The following SLC2A4RG variants were observed in gnomAD, a reference collection of about 807,000 sequenced individuals.
SLC2A4RG encodes GLUT4 enhancer factor.
In SLC2A4RG, 23 loss-of-function variants were observed where a neutral mutation model predicts 35.5. The ratio of observed to expected loss-of-function variants is 0.65; its 90% CI spans 0.47 to 0.92. The LOEUF (loss-of-function observed/expected upper bound fraction) is 0.92, where lower values mean the gene tolerates loss of function less well. Among genes scored for constraint, SLC2A4RG ranks in the 40% least tolerant of loss-of-function variants. The pLI is 0.00. For synonymous variants in SLC2A4RG, 306 were observed against 243.7 expected, an observed-to-expected ratio of 1.26 and a Z score of -2.38; for missense variants, 539 against 525.0, an observed-to-expected ratio of 1.03 and a Z score of -0.26.
At position 63,742,863 on chromosome 20, in the gene SLC2A4RG, G is replaced by T; in HGVS notation, c.1053-16G>T. ...CTGGTCTCACAGCACCCCATGTCCT[G>T]TGACCCCCCGCACAGGAAGCCCCGC... On this transcript the variant is annotated splice_polypyrimidine_tract_variant and intron_variant, in intron 7 of 7. Transcript: ENST00000266077. The T allele has an allele frequency of 1.9e-6, 3 of 1,606,624 alleles. No homozygotes were observed. The Middle Eastern group carries it at 5.0e-4, about 266-fold the overall frequency.
In SLC2A4RG at chr20:63,741,195, G is replaced by T. The variant is rs1364115204; in HGVS notation, c.282-175G>T. ...CCCTGGCCCTGCTCCTGGCGGCTCCGGGTGGCTTTCAGCTCTCTCTGCAAC... is the reference window on the plus strand; with the variant it reads ...CCCTGGCCCTGCTCCTGGCGGCTCCTGGTGGCTTTCAGCTCTCTCTGCAAC... On this transcript the variant is annotated intron_variant, in intron 2 of 7. Coordinates refer to ENST00000266077, the MANE Select transcript of SLC2A4RG (RefSeq NM_020062.4). The T allele has an allele frequency of 4.8e-5, 29 of 610,328 alleles. 1 individual carries two copies. In the East Asian group the frequency reaches 8.3e-4, roughly 17 times the overall value. The allele number at this position is 610,328 out of a possible 1,614,324, so 37.8% of individuals were successfully genotyped here.
rs1309266941 is a variant in SLC2A4RG at position 63,743,074 on chromosome 20, C to G, written c.*84C>G. Reference sequence around the variant, plus strand: ...CGGGGCTGAAACAGCCCGAGGACAGCCCCAGGGGCTGGCTTTCACCAGCTG... The same window carrying G: ...CGGGGCTGAAACAGCCCGAGGACAGGCCCAGGGGCTGGCTTTCACCAGCTG... On this transcript the variant is annotated 3_prime_UTR_variant, in exon 8 of 8. Transcript: ENST00000266077. 20 of 933,196 alleles carry G rather than the reference C, an allele frequency of 2.1e-5. No individual in the cohort carries two copies. The highest frequency in any genetic ancestry group is 2.9e-5 in the Non-Finnish European group (20 of 685,576). 57.8% of individuals were successfully genotyped at this position (933,196 alleles called of 1,614,324 possible).
At position 63,743,986 on chromosome 20, in the gene SLC2A4RG, T is replaced by G. The variant is rs1459226323; in HGVS notation, c.*996T>G. The G allele has an allele frequency of 6.6e-6, 1 of 152,320 alleles. No homozygotes were observed. The highest frequency in any genetic ancestry group is 1.5e-5 in the Non-Finnish European group (1 of 68,044). 9.4% of individuals were successfully genotyped at this position (152,320 alleles called of 1,614,324 possible). A position where few individuals can be genotyped will look rare whatever the true frequency, so the allele number is the denominator to read the frequency against. On this transcript the variant is annotated 3_prime_UTR_variant, in exon 8 of 8. Coordinates refer to ENST00000266077, the MANE Select transcript of SLC2A4RG (RefSeq NM_020062.4). ...CAATCTTCAAACACTGCCCTTTTTTTGTGTGTTTTGTTTTTGTTGACAGGT... is the reference window on the plus strand; with the variant it reads ...CAATCTTCAAACACTGCCCTTTTTTGGTGTGTTTTGTTTTTGTTGACAGGT...
chr20:63,742,975 G>A lies in SLC2A4RG; in HGVS notation c.1149G>A (p.Gln383=). ...CCTGCCGCTGGAAGAAAGCCTGCCAGCGGTTCCTGGACTAAGTCCGGCTCG... is the reference window on the plus strand; with the variant it reads ...CCTGCCGCTGGAAGAAAGCCTGCCAACGGTTCCTGGACTAAGTCCGGCTCG... The part of the protein sequence containing the change: ...CTACRWKKAC[Q]RFLD Residue 383 remains glutamine (Q), a synonymous_variant, in exon 8 of 8, where the codon CAG becomes CAA. Transcript: ENST00000266077. 4 of 1,611,004 alleles carry A rather than the reference G, an allele frequency of 2.5e-6. No individual in the cohort carries two copies. Among genetic ancestry groups the A allele is most frequent in the Non-Finnish European group, 3.4e-6 (4 of 1,178,874 alleles).
chr20:63,740,609 G>A lies in SLC2A4RG; in HGVS notation c.281+78G>A. ...GGGGTGCGGAGACACCGGCCCCGAC[G>A]GAGGCCAGGTCAGGGCCCCAGGTTT... On this transcript the variant is annotated intron_variant, in intron 2 of 7. Coordinates refer to ENST00000266077, the MANE Select transcript of SLC2A4RG (RefSeq NM_020062.4). The A allele has an allele frequency of 3.3e-6, 4 of 1,204,818 alleles. 1 individual carries two copies. Among genetic ancestry groups the A allele is most frequent in the Non-Finnish European group, 4.1e-6 (4 of 965,650 alleles). The allele number at this position is 1,204,818 out of a possible 1,614,324, so 74.6% of individuals were successfully genotyped here.
chr20:63,742,393 G>A lies in SLC2A4RG; in HGVS notation c.738G>A (p.Leu246=), dbSNP rs1242422402. The change falls in exon 6 of 8, where the codon CTG becomes CTA. Residue 246 remains leucine (L), a synonymous_variant. Coordinates refer to ENST00000266077, the MANE Select transcript of SLC2A4RG (RefSeq NM_020062.4). The part of the protein sequence containing the change: ...DGEEDFYYTE[L]DVGVDTLTDG... ...AGGAGGACTTCTACTACACAGAGCT[G>A]GATGTTGGTGTGGACACGCTGACCG... 3 of 1,611,736 alleles carry A rather than the reference G, an allele frequency of 1.9e-6. No individual in the cohort carries two copies. The highest frequency in any genetic ancestry group is 1.7e-5 in the Admixed American group (1 of 59,890).
At chr20:63,740,596 C>A (rs1214129468) in intron 2 of SLC2A4RG, 65 bp downstream of exon 2, 5 of 1,219,730 alleles carry the variant, frequency 4.1e-6, no homozygotes, top group Admixed American at 8.5e-5. Context: ...GGTGCGGAGA[C>A]ACCGGCCCCG....
Position 63,742,914 on chromosome 20 carries a change from T to C in SLC2A4RG, c.1088T>C (p.Val363Ala). Residue 363 changes from valine (V) to alanine (A), a missense_variant, in exon 8 of 8, where the codon GTG becomes GCG. Transcript: ENST00000266077. ...PRGDAKKCRK[V>A]YGMERRDLWC... ...GGCGACGCGAAGAAGTGCCGGAAGGTGTATGGCATGGAGCGCCGGGACCTC... is the reference window on the plus strand; with the variant it reads ...GGCGACGCGAAGAAGTGCCGGAAGGCGTATGGCATGGAGCGCCGGGACCTC... 5.6e-6 allele frequency: 9 copies of C among 1,612,258 alleles called. No homozygotes were observed. The highest frequency in any genetic ancestry group is 2.2e-5 in the East Asian group (1 of 44,850).
intron 1 of SLC2A4RG, 157 bp from the exon 2 acceptor site, chr20:63,740,220 C>A: frequency 2.3e-6 from 1 of 435,986 alleles, no homozygotes; most frequent in Non-Finnish European, 3.2e-6. Context: ...CTTCCCGCCG[C>A]GCCGGGCTGG....
At position 63,742,173 on chromosome 20, in the gene SLC2A4RG, G is replaced by A. The variant is rs774603399; in HGVS notation, c.623G>A (p.Gly208Glu). Residue 208 changes from glycine (G) to glutamate (E), a missense_variant, in exon 5 of 8, where the codon GGG (glycine) becomes GAG (glutamate). Physicochemically the swap from Gly to Glu is moderately conservative, Grantham distance 98. Coordinates refer to ENST00000266077, the MANE Select transcript of SLC2A4RG (RefSeq NM_020062.4). Reference sequence around the variant, plus strand: ...TTCCAGTGTCTGTGGAAGAGCTGCGGGAAGGTGCTGAGCACGGCGTCGGCG... The same window carrying A: ...TTCCAGTGTCTGTGGAAGAGCTGCGAGAAGGTGCTGAGCACGGCGTCGGCG... ...VMFQCLWKSCGKVLSTASAMQ... is the reference protein window; with the variant it reads ...VMFQCLWKSCEKVLSTASAMQ... 6 of 1,604,966 alleles carry A rather than the reference G, an allele frequency of 3.7e-6. No individual in the cohort carries two copies. Among genetic ancestry groups the A allele is most frequent in the Non-Finnish European group, 5.1e-6 (6 of 1,176,236 alleles).
intron 2 of SLC2A4RG, 37 bp downstream of exon 2, chr20:63,740,568 C>A: frequency 8.1e-7 from 1 of 1,227,694 alleles, no homozygotes; most frequent in Non-Finnish European, 1.0e-6. Context: ...ACTCGGTGTG[C>A]GCAGGGGCGG....
Position 63,742,868 on chromosome 20 carries a change from C to T in SLC2A4RG, c.1053-11C>T, listed in dbSNP as rs995331862. The T allele has an allele frequency of 1.2e-5, 19 of 1,608,634 alleles. No individual in the cohort carries two copies. The highest frequency in any genetic ancestry group is 1.7e-5 in the Admixed American group (1 of 59,464). ...CTCACAGCACCCCATGTCCTGTGAC[C>T]CCCCGCACAGGAAGCCCCGCGGCGA... On this transcript the variant is annotated splice_polypyrimidine_tract_variant and intron_variant, in intron 7 of 7. Coordinates refer to ENST00000266077, the MANE Select transcript of SLC2A4RG (RefSeq NM_020062.4).
rs2092056379 is a variant in SLC2A4RG, at chr20:63,743,451, C to G, written c.*461C>G. 6.4e-6 allele frequency: 1 copy of G among 157,298 alleles called. No homozygotes were observed. The highest frequency in any genetic ancestry group is 1.4e-5 in the Non-Finnish European group (1 of 70,660). 9.7% of individuals were successfully genotyped at this position (157,298 alleles called of 1,614,324 possible). A position where few individuals can be genotyped will look rare whatever the true frequency, so the allele number is the denominator to read the frequency against. On this transcript the variant is annotated 3_prime_UTR_variant, in exon 8 of 8. Coordinates refer to ENST00000266077, the MANE Select transcript of SLC2A4RG (RefSeq NM_020062.4). The stretch of plus-strand genomic sequence containing the variant: ...TTGTTTTTGAAGCTCAGGTGTCTCA[C>G]GTCTGGGCTGCACCAGGCGAAGAGA...
chr20:63,740,133 G>A (rs2092034239), intron 1 of SLC2A4RG, 95 bp downstream of exon 1: 3 of 618,432 alleles, frequency 4.9e-6, no homozygotes, highest in Non-Finnish European at 6.0e-6. Flanking sequence ...CGGGGGCGGG[G>A]CAGCGGGGAG....
At chr20:63,740,308 G>A (rs1426355952) in intron 1 of SLC2A4RG, 69 bp from the exon 2 acceptor site, 1 of 1,048,450 alleles carries the variant, frequency 9.5e-7, no homozygotes, top group Non-Finnish European at 1.2e-6. Flanking sequence ...GCGGATCCGC[G>A]GCGGAGGTTG....
At position 63,742,040 on chromosome 20, in the gene SLC2A4RG, C is replaced by T. The variant is rs918242885; in HGVS notation, c.563C>T (p.Thr188Ile). 6 of 1,611,702 alleles carry T rather than the reference C, an allele frequency of 3.7e-6. No homozygotes were observed. Among genetic ancestry groups the T allele is most frequent in the South Asian group, 3.3e-5 (3 of 91,044 alleles). Residue 188 changes from threonine (T) to isoleucine (I), a missense_variant, in exon 4 of 8, where the codon ACC (threonine) becomes ATC (isoleucine). Transcript: ENST00000266077. ...EAAHFLFGEP[T>I]LRKRKSPAQV... ...GCCCACTTTCTGTTTGGGGAGCCCA[C>T]CCTGAGAAAAAGGAAGGTGAGCTTG...
In SLC2A4RG at chr20:63,743,062, G is replaced by GCC; in HGVS notation, c.*74_*75dup. ...CCCCTCCAGGCCCGGGGCTGAAACA[G>GCC]CCCGAGGACAGCCCCAGGGGCTGGC... On this transcript the variant is annotated 3_prime_UTR_variant, in exon 8 of 8. Coordinates refer to ENST00000266077, the MANE Select transcript of SLC2A4RG (RefSeq NM_020062.4). 2 of 1,081,862 alleles carry GCC rather than the reference G, an allele frequency of 1.8e-6. No individual in the cohort carries two copies. The highest frequency in any genetic ancestry group is 3.3e-5 in the South Asian group (2 of 59,966). The allele number at this position is 1,081,862 out of a possible 1,614,324, so 67.0% of individuals were successfully genotyped here.
In SLC2A4RG at chr20:63,743,028, C is replaced by T; in HGVS notation, c.*38C>T. On this transcript the variant is annotated 3_prime_UTR_variant, in exon 8 of 8. Transcript: ENST00000266077. ...CAAGAACATAAGCTACCACCTTCTC[C>T]CTCCCCACCCCCTCCAGGCCCGGGG... is the stretch of plus-strand genomic sequence containing the variant. The T allele has an allele frequency of 1.3e-6, 2 of 1,519,130 alleles. No homozygotes were observed. The highest frequency in any genetic ancestry group is 1.8e-6 in the Non-Finnish European group (2 of 1,121,108). The allele number at this position is 1,519,130 out of a possible 1,614,324, so 94.1% of individuals were successfully genotyped here. A position where few individuals can be genotyped will look rare whatever the true frequency, so the allele number is the denominator to read the frequency against.
Position 63,742,879 on chromosome 20 carries a change from G to A in SLC2A4RG, c.1053G>A (p.Arg351=). Residue 351 remains arginine (R), a splice_region_variant and synonymous_variant, in exon 8 of 8, where the codon AGG becomes AGA. Transcript: ENST00000266077. ...CCATGTCCTGTGACCCCCCGCACAG[G>A]AAGCCCCGCGGCGACGCGAAGAAGT... ...ALSSRIGVTL[R]KPRGDAKKCR... The A allele has an allele frequency of 6.2e-7, 1 of 1,610,900 alleles. No homozygotes were observed. Among genetic ancestry groups the A allele is most frequent in the Non-Finnish European group, 8.5e-7 (1 of 1,178,978 alleles).
Sources: allele counts gnomAD v4.1 joint callset, GRCh38; gene constraint gnomAD v4.1.1; transcripts MANE v1.5; gene names NCBI Gene and HGNC (gene_info 2026-07-23, HGNC 2026-07-21).